The following LATS2 variants were observed in gnomAD, a reference collection of about 807,000 sequenced individuals.
LATS2 encodes the protein large tumor suppressor kinase 2.
A neutral mutation model predicts 76.0 loss-of-function variants in LATS2; 24 were observed. The ratio of observed to expected loss-of-function variants is 0.32; its 90% confidence interval spans 0.23 to 0.44. The LOEUF is 0.44. Ranked by LOEUF, LATS2 falls within the 20% of genes least tolerant of loss-of-function variation. The pLI, the probability that LATS2 is intolerant of heterozygous loss-of-function variation, is 1.00. For missense variants in LATS2, 1,286 were observed against 1,481.2 expected (o/e 0.87, Z 2.16); for synonymous variants, 692 against 635.4 (o/e 1.09, Z -1.34).
intron 2 of LATS2, among the ~76,000 whole-genome samples, chr13:20,992,460 G>A (rs1446903508): frequency 6.6e-6 from 1 of 152,162 alleles, no homozygotes; most frequent in African/African-American, 2.4e-5. Context: ...CCAGTGGCGC[G>A]GGGCGGTGAG....
chr13:21,007,828 TG>T (rs1871419466), intron 2 of LATS2, among the ~76,000 whole-genome samples: 2 of 126,432 alleles, frequency 1.6e-5, no homozygotes, highest in African/African-American at 6.0e-5. Flanking sequence ...GGCGCAATCT[TG>T]GCTCACTGCA....
At chr13:21,010,245 CAG>C (rs977140484) in intron 2 of LATS2, among the ~76,000 whole-genome samples, 1 of 142,328 alleles carries the variant, frequency 7.0e-6, no homozygotes, top group African/African-American at 2.5e-5. Context: ...AGGAATAACA[CAG>C]AGAGTTAAGT....
chr13:21,044,693 T>G (rs1320750951), intron 2 of LATS2, among the ~76,000 whole-genome samples: 2 of 4,122 alleles, frequency 4.9e-4, no homozygotes, highest in African/African-American at 8.7e-4. Flanking sequence ...TGTAGGGGTG[T>G]GTGTGTGTGT....
Position 21,046,109 on chromosome 13 carries a change from A to G in LATS2, c.-83T>C. On this transcript the variant is annotated 5_prime_UTR_variant, in exon 2 of 8. The change abolishes the stop of an existing upstream ORF in the 5' untranslated region. Transcript: ENST00000382592. ...AAAAAAAAAAACTGTCAATAGTATCAGTTTGTTGTAAACATACTTTCAAAA... is the reference window on the plus strand; with the variant it reads ...AAAAAAAAAAACTGTCAATAGTATCGGTTTGTTGTAAACATACTTTCAAAA... 1 of 932,244 alleles carries G rather than the reference A, an allele frequency of 1.1e-6. No homozygotes were observed. The highest frequency in any genetic ancestry group is 1.6e-6 in the Non-Finnish European group (1 of 624,210). The allele number at this position is 932,244 out of a possible 1,614,324, so 57.7% of individuals were successfully genotyped here.
intron 2 of LATS2, among the ~76,000 whole-genome samples, chr13:21,010,213 C>CAAACAAAT (rs1157713102): frequency 6.6e-6 from 1 of 151,704 alleles, no homozygotes; most frequent in Non-Finnish European, 1.5e-5. Context: ...AACAAACAAA[C>CAAACAAAT]AAACAAACAA....
intron 2 of LATS2, among the ~76,000 whole-genome samples, chr13:21,033,559 T>C (rs1872601571): frequency 6.6e-6 from 1 of 151,534 alleles, no homozygotes; most frequent in Non-Finnish European, 1.5e-5. Context: ...AGAGTTGAAT[T>C]AAGCCACTTG....
In LATS2 at chr13:21,019,331, A is replaced by C. The variant is rs567073718; in HGVS notation, c.342+26354T>G. 1.6e-3 allele frequency among the ~76,000 whole-genome samples: 214 copies of C among 137,296 alleles called. 1 individual carries two copies. Among genetic ancestry groups the C allele is most frequent in the African/African-American group, 5.3e-3 (191 of 35,888 alleles). The allele number at this position is 137,296 out of a possible 152,430, so 90.1% of individuals were successfully genotyped here. On this transcript the variant is annotated intron_variant, in intron 2 of 7. Coordinates refer to ENST00000382592, the MANE Select transcript of LATS2 (RefSeq NM_014572.3). ...TATTATTATTATTATTATTATTATT[A>C]TTATTATTATTTGAGACAGAGTTTC...
intron 5 of LATS2, 29 bp downstream of exon 5, chr13:20,983,191 TAGAA>T: frequency 6.8e-7 from 1 of 1,478,514 alleles, no homozygotes; most frequent in Non-Finnish European, 9.4e-7. Context: ...CATCTACACA[TAGAA>T]AGTGCATGTG....
chr13:20,988,881 G>A lies in LATS2; in HGVS notation c.899C>T (p.Ala300Val). Residue 300 changes from alanine (A) to valine (V), a missense_variant, in exon 4 of 8, where the codon GCC becomes GTC. Ala to Val is a moderately conservative substitution (Grantham distance 64, BLOSUM62 0). This residue lies in a region of LATS2 where 710 missense variants were observed against 660.9 expected (regional missense o/e 1.07). Coordinates refer to ENST00000382592, the MANE Select transcript of LATS2 (RefSeq NM_014572.3). ...PTKGQGGPPG[A>V]GLAFPPPAAG... ...GGCAGGGGGTGGGAAAGCGAGGCCG[G>A]CGCCTGGCGGTCCTCCCTGGCCCTT... is the stretch of plus-strand genomic sequence containing the variant. 6.4e-7 allele frequency: 1 copy of A among 1,554,540 alleles called. No homozygotes were observed. Among genetic ancestry groups the A allele is most frequent in the South Asian group, 1.2e-5 (1 of 85,446 alleles).
At chr13:21,045,524 G>A (rs778753355) in intron 2 of LATS2, among the ~76,000 whole-genome samples, 161 bp downstream of exon 2, 6 of 152,208 alleles carry the variant, frequency 3.9e-5, no homozygotes, top group Non-Finnish European at 8.8e-5. Flanking sequence ...CTTCAATTGT[G>A]AGTTCAATTA....
At chr13:21,031,412 T>A (rs1489545505) in intron 2 of LATS2, among the ~76,000 whole-genome samples, 1 of 152,246 alleles carries the variant, frequency 6.6e-6, no homozygotes, top group Non-Finnish European at 1.5e-5. Context: ...GGGTAATTTC[T>A]ACTAATTTAT....
intron 2 of LATS2, among the ~76,000 whole-genome samples, chr13:21,035,012 C>G (rs1872648387): frequency 6.6e-6 from 1 of 152,154 alleles, no homozygotes; most frequent in Non-Finnish European, 1.5e-5. Flanking sequence ...GGGAGGATCA[C>G]TTGAGGCCAG....
intron 2 of LATS2, among the ~76,000 whole-genome samples, chr13:20,992,600 G>C (rs982073165): frequency 6.6e-6 from 1 of 152,150 alleles, no homozygotes; most frequent in African/African-American, 2.4e-5. Context: ...ACAGGCAAAG[G>C]CCACAAAAAG....
At chr13:21,012,968 T>C (rs1315116236) in intron 2 of LATS2, among the ~76,000 whole-genome samples, 3 of 152,206 alleles carry the variant, frequency 2.0e-5, no homozygotes, top group Non-Finnish European at 4.4e-5. Flanking sequence ...AGCAATTAGT[T>C]AAGGTATTGA....
At chr13:21,009,196 G>C (rs945203615) in intron 2 of LATS2, among the ~76,000 whole-genome samples, 1 of 152,180 alleles carries the variant, frequency 6.6e-6, no homozygotes. Flanking sequence ...AATGAATAAA[G>C]AAGCAGATGT....
intron 1 of LATS2, among the ~76,000 whole-genome samples, chr13:21,054,098 A>G (rs1337576211): frequency 6.6e-6 from 1 of 152,224 alleles, no homozygotes; most frequent in Non-Finnish European, 1.5e-5. Context: ...ATGGGGAAAA[A>G]AGTCTCCTAA....
chr13:21,029,171 G>C (rs138094152), intron 2 of LATS2, among the ~76,000 whole-genome samples: 1 of 152,232 alleles, frequency 6.6e-6, no homozygotes, highest in Non-Finnish European at 1.5e-5. Context: ...CAAGTTATTT[G>C]GTTTTTCACC....
chr13:21,022,355 A>T (rs1326888155), intron 2 of LATS2, among the ~76,000 whole-genome samples: 2 of 152,176 alleles, frequency 1.3e-5, no homozygotes. Flanking sequence ...GTCAGGACTG[A>T]GAACCATTGC....
At chr13:20,998,620 T>C (rs1870872099) in intron 2 of LATS2, among the ~76,000 whole-genome samples, 1 of 152,340 alleles carries the variant, frequency 6.6e-6, no homozygotes, top group Non-Finnish European at 1.5e-5. Context: ...GAAAGGCCCC[T>C]GGAAGAATGA....
Sources: gnomAD v4.1 joint callset for allele counts (sites outside exome capture counted in the v4.1 genomes callset) on GRCh38, gnomAD v4.1.1 for gene constraint, gnomAD v4.1.1 regional missense constraint, MANE v1.5 for transcripts, NCBI Gene and HGNC (gene_info 2026-07-23, HGNC 2026-07-21) for gene names.